Variants in MEGF8 observed in about 807,000 individuals in gnomAD.
MEGF8 encodes the protein multiple EGF like domains 8, also known as multiple epidermal growth factor-like domains protein 8.
Under a neutral mutation model 302.9 loss-of-function variants are expected in MEGF8, and 156 were observed. That is an observed-to-expected ratio of 0.52 (90% CI 0.45 to 0.59). The LOEUF (loss-of-function observed/expected upper bound fraction) is 0.59. MEGF8 is among the 20% of genes least tolerant of loss of function. MEGF8 has a pLI of 0.00. For synonymous variants in MEGF8, 1,621 were observed against 1,660.5 expected (o/e 0.98, Z 0.58); for missense variants, 3,345 against 3,964.5 (o/e 0.84, Z 4.20).
Position 42,335,073 on chromosome 19 carries a change from A to G in MEGF8, c.597A>G (p.Gly199=), listed in dbSNP as rs1201185699. The G allele has an allele frequency of 6.2e-7, 1 of 1,613,542 alleles. No individual in the cohort carries two copies. Among genetic ancestry groups the G allele is most frequent in the South Asian group, 1.1e-5 (1 of 91,052 alleles). Residue 199 remains glycine, a synonymous_variant, in exon 4 of 42, where the codon GGA becomes GGG. Coordinates refer to ENST00000251268, the MANE Select transcript of MEGF8 (RefSeq NM_001271938.2). The stretch of plus-strand genomic sequence containing the variant: ...GCCGCTGTGAGCCTGGCTTCTTGGG[A>G]CGTGCCTGTGACCTGCACCTGTGGG... ...GPCRCEPGFL[G]RACDLHLWEN...
At position 42,357,415 on chromosome 19, in the gene MEGF8, C is replaced by T. The variant is rs35468447; in HGVS notation, c.4842C>T (p.Thr1614=). The change falls in exon 28 of 42, where the codon ACC becomes ACT. Residue 1614 remains threonine, a synonymous_variant. Coordinates refer to ENST00000251268, the MANE Select transcript of MEGF8 (RefSeq NM_001271938.2). The surrounding 1 kb of genome is among the most constrained non-coding windows in gnomAD (Gnocchi z 5.2). ...LQWRQEKAPQ[T]VELPAVAGHT... The stretch of plus-strand genomic sequence containing the variant: ...CCTCCATCCCTCAGGCCCCCCAGAC[C>T]GTGGAGCTGCCAGCCGTTGCTGGTC... The T allele has an allele frequency of 3.1e-3, 5,057 of 1,613,256 alleles. 61 individuals are homozygous for T. The African/African-American group carries it at 0.035, about 11-fold the overall frequency.
chr19:42,359,147 T>A lies in MEGF8; in HGVS notation c.5393T>A (p.Val1798Glu). 6.4e-7 allele frequency: 1 copy of A among 1,563,694 alleles called. No individual in the cohort carries two copies. The highest frequency in any genetic ancestry group is 8.7e-7 in the Non-Finnish European group (1 of 1,154,416). ...TCAGCCCTGTTAGGGGACACCATGG[T>A]GGTTCTTGGGGGGCGCTCGGACCCT... The part of the protein sequence containing the change: ...HASALLGDTM[V>E]VLGGRSDPDE... Residue 1798 changes from valine (V) to glutamate (E), a missense_variant, in exon 31 of 42, where the codon GTG becomes GAG. Transcript: ENST00000251268.
chr19:42,330,856 A>G (rs1472235278), intron 1 of MEGF8, among the ~76,000 whole-genome samples: 1 of 152,204 alleles, frequency 6.6e-6, no homozygotes, highest in Non-Finnish European at 1.5e-5. Context: ...AAGGGATAAT[A>G]TGTTGCAGAC....
chr19:42,348,482 C>T lies in MEGF8; in HGVS notation c.2298+10C>T. On this transcript the variant is annotated intron_variant, in intron 13 of 41. Coordinates refer to ENST00000251268, the MANE Select transcript of MEGF8 (RefSeq NM_001271938.2). ...TGACACGGAGAACATGGTGAGGCCG[C>T]CTGGGACATTCAGGGGGTTGTTTAT... 1 of 1,507,986 alleles carries T rather than the reference C, an allele frequency of 6.6e-7. No individual in the cohort carries two copies. The highest frequency in any genetic ancestry group is 8.9e-7 in the Non-Finnish European group (1 of 1,127,372). The allele number at this position is 1,507,986 out of a possible 1,614,324, so 93.4% of individuals were successfully genotyped here. A position where few individuals can be genotyped will look rare whatever the true frequency, so the allele number is the denominator to read the frequency against.
chr19:42,376,477 T>A lies in MEGF8; in HGVS notation c.8240T>A (p.Met2747Lys), dbSNP rs1405301829. ...GGGGCCGGTGGGCCCTGGGGACCCA[T>A]GGGAGGGGGCTGCTGCCCACCAGCC... ...LTGAGGPWGP[M>K]GGGCCPPAIP... Residue 2747 changes from methionine (M) to lysine (K), a missense_variant, in exon 42 of 42, where the codon ATG becomes AAG. Coordinates refer to ENST00000251268, the MANE Select transcript of MEGF8 (RefSeq NM_001271938.2). This position sits in a 1 kb window ranked among gnomAD's most constrained non-coding sequence, Gnocchi z 8.2. The A allele has an allele frequency of 1.9e-6, 3 of 1,600,226 alleles. No homozygotes were observed. The highest frequency in any genetic ancestry group is 2.6e-6 in the Non-Finnish European group (3 of 1,175,410).
At position 42,371,488 on chromosome 19, in the gene MEGF8, G is replaced by A. The variant is rs1394562771; in HGVS notation, c.7269+6G>A. The A allele has an allele frequency of 1.9e-6, 3 of 1,613,598 alleles. No individual in the cohort carries two copies. Among genetic ancestry groups the A allele is most frequent in the Non-Finnish European group, 2.5e-6 (3 of 1,179,878 alleles). ...GAGACTGCTACAAGTACCAGGTGCG[G>A]CTGCAGAAGCTAGTGGTGGGCCGAG... On this transcript the variant is annotated splice_donor_region_variant and intron_variant, in intron 41 of 41. Transcript: ENST00000251268.
chr19:42,367,095 GC>G (rs1319070256), intron 35 of MEGF8, among the ~76,000 whole-genome samples: 1 of 152,102 alleles, frequency 6.6e-6, no homozygotes, highest in Non-Finnish European at 1.5e-5. Flanking sequence ...TAAATAAAGT[GC>G]CTTATACACT....
Position 42,354,374 on chromosome 19 carries a change from T to C in MEGF8, c.4012-214T>C, listed in dbSNP as rs1181849235. 6.6e-6 allele frequency among the ~76,000 whole-genome samples: 1 copy of C among 152,094 alleles called. No individual in the cohort carries two copies. Among genetic ancestry groups the C allele is most frequent in the Non-Finnish European group, 1.5e-5 (1 of 68,024 alleles). ...GCTGCATGTTGAGAAAGGGGCTCAA[T>C]GCAAGAGTGCCTGATAGATGAGCCG... On this transcript the variant is annotated intron_variant, in intron 22 of 41. Coordinates refer to ENST00000251268, the MANE Select transcript of MEGF8 (RefSeq NM_001271938.2). This position sits in a 1 kb window ranked among gnomAD's most constrained non-coding sequence, Gnocchi z 4.3.
In MEGF8 at chr19:42,358,607, C is replaced by CCG; in HGVS notation, c.5176-178_5176-177dup. On this transcript the variant is annotated intron_variant, in intron 29 of 41. Coordinates refer to ENST00000251268, the MANE Select transcript of MEGF8 (RefSeq NM_001271938.2). This position sits in a 1 kb window ranked among gnomAD's most constrained non-coding sequence, Gnocchi z 4.4. Reference sequence around the variant, plus strand: ...TCGTATAAACCAGGACTGAGGCTCCCCGCTCTTTCTGCCTTCAAGGCCAAG... The same window carrying CCG: ...TCGTATAAACCAGGACTGAGGCTCCCCGCGCTCTTTCTGCCTTCAAGGCCAAG... Among the ~76,000 whole-genome samples the CCG allele has an allele frequency of 6.6e-6, 1 of 152,294 alleles. No homozygotes were observed. Among genetic ancestry groups the CCG allele is most frequent in the South Asian group, 2.1e-4 (1 of 4,826 alleles).
intron 41 of MEGF8, among the ~76,000 whole-genome samples, chr19:42,373,533 T>TGA (rs2039721857): frequency 2.0e-5 from 3 of 152,018 alleles, no homozygotes; most frequent in Admixed American, 2.0e-4. Flanking sequence ...CCTGAGTAGC[T>TGA]GAGACTACAA....
rs369696855 is a variant in MEGF8 at position 42,344,002 on chromosome 19, C to T, written c.1717C>T (p.Arg573Trp). 5.2e-5 allele frequency: 84 copies of T among 1,613,660 alleles called. No individual in the cohort carries two copies. The highest frequency in any genetic ancestry group is 8.9e-5 in the East Asian group (4 of 44,886). ...GTACACAGACCACAGCGTCTGCTCCCGGGACCCGGAATGCAGTTGGTGCCA... is the reference window on the plus strand; with the variant it reads ...GTACACAGACCACAGCGTCTGCTCCTGGGACCCGGAATGCAGTTGGTGCCA... ...SMYTDHSVCS[R>W]DPECSWCQGA... Residue 573 changes from arginine (R) to tryptophan (W), a missense_variant, in exon 10 of 42, where the codon CGG (arginine) becomes TGG (tryptophan). Physicochemically the swap from Arg to Trp is moderately radical, Grantham distance 101 (BLOSUM62 -3). Coordinates refer to ENST00000251268, the MANE Select transcript of MEGF8 (RefSeq NM_001271938.2). This position sits in a 1 kb window ranked among gnomAD's most constrained non-coding sequence, Gnocchi z 4.5.
rs2147477579 is a variant in MEGF8, at chr19:42,352,187, C to T, written c.3102-21C>T. 6.7e-7 allele frequency: 1 copy of T among 1,493,552 alleles called. No individual in the cohort carries two copies. The highest frequency in any genetic ancestry group is 1.4e-5 in the African/African-American group (1 of 71,556). The allele number at this position is 1,493,552 out of a possible 1,614,324, so 92.5% of individuals were successfully genotyped here. A position where few individuals can be genotyped will look rare whatever the true frequency, so the allele number is the denominator to read the frequency against. ...CCTGTTTCTATGTTGTCCCCCGCTT[C>T]TTCACTCTCCCACCCTGCAGGTGCC... On this transcript the variant is annotated intron_variant, in intron 18 of 41. Coordinates refer to ENST00000251268, the MANE Select transcript of MEGF8 (RefSeq NM_001271938.2). This position sits in a 1 kb window ranked among gnomAD's most constrained non-coding sequence, Gnocchi z 4.4.
In MEGF8 at chr19:42,375,170, AC is replaced by A. The variant is rs1236711719; in HGVS notation, c.7270-336del. ...TGCTCAGGCTCAGTGAGGTTAAGTC[AC>A]TAGTCCAAGGCCACACAGCTAACAA... On this transcript the variant is annotated intron_variant, in intron 41 of 41. Coordinates refer to ENST00000251268, the MANE Select transcript of MEGF8 (RefSeq NM_001271938.2). The surrounding 1 kb of genome is among the most constrained non-coding windows in gnomAD (Gnocchi z 7.1). Among the ~76,000 whole-genome samples the A allele has an allele frequency of 6.6e-6, 1 of 152,152 alleles. No homozygotes were observed. Among genetic ancestry groups the A allele is most frequent in the East Asian group, 1.9e-4 (1 of 5,192 alleles).
chr19:42,341,766 A>G (rs1029025793), intron 8 of MEGF8, among the ~76,000 whole-genome samples: 3 of 152,130 alleles, frequency 2.0e-5, no homozygotes, highest in Admixed American at 6.6e-5. Context: ...TTCTTATAGC[A>G]GTTAGGGTCC....
chr19:42,338,801 C>CTTTT (rs113443328), intron 8 of MEGF8, among the ~76,000 whole-genome samples: 1 of 54,354 alleles, frequency 1.8e-5, no homozygotes, highest in Non-Finnish European at 4.2e-5. Flanking sequence ...ACCACATTTT[C>CTTTT]TTTTTTTTTT....
chr19:42,340,178 T>G (rs1188255286), intron 8 of MEGF8, among the ~76,000 whole-genome samples: 1 of 152,254 alleles, frequency 6.6e-6, no homozygotes, highest in Non-Finnish European at 1.5e-5. Context: ...AGATGATCCT[T>G]CAAGAATGAT....
rs1467075082 is a variant in MEGF8, at chr19:42,353,518, G to A, written c.3604G>A (p.Ala1202Thr). The change falls in exon 21 of 42, where the codon GCC becomes ACC. Residue 1202 changes from alanine to threonine, a missense_variant. Coordinates refer to ENST00000251268, the MANE Select transcript of MEGF8 (RefSeq NM_001271938.2). The surrounding 1 kb of genome is among the most constrained non-coding windows in gnomAD (Gnocchi z 6.1). ...ERCRPGSFGN[A>T]TGSRGCRPCQ... Reference sequence around the variant, plus strand: ...ATGCCGGCCCGGCAGCTTCGGCAACGCCACAGGCTCTAGGGGCTGCCGGCC... The same window carrying A: ...ATGCCGGCCCGGCAGCTTCGGCAACACCACAGGCTCTAGGGGCTGCCGGCC... 6 of 1,609,676 alleles carry A rather than the reference G, an allele frequency of 3.7e-6. No individual in the cohort carries two copies. The highest frequency in any genetic ancestry group is 3.4e-6 in the Non-Finnish European group (4 of 1,178,710).
rs752106496 is a variant in MEGF8, at chr19:42,343,569, C to A, written c.1606C>A (p.Pro536Thr). 6 of 1,613,208 alleles carry A rather than the reference C, an allele frequency of 3.7e-6. No individual in the cohort carries two copies. In the South Asian group the frequency reaches 5.5e-5, roughly 15 times the overall value. ...GGTGGCTGGGGGGTACAGCGGCCGG[C>A]CCCGTGGGGACTTGATGGCGTACAA... Reference protein sequence around the residue: ...LLVAGGYSGRPRGDLMAYKVP... With the variant: ...LLVAGGYSGRTRGDLMAYKVP... The change falls in exon 9 of 42, where the codon CCC becomes ACC. Residue 536 changes from proline (P) to threonine (T), a missense_variant. By Grantham distance (38) the Pro-to-Thr change is conservative. Coordinates refer to ENST00000251268, the MANE Select transcript of MEGF8 (RefSeq NM_001271938.2).
Position 42,326,832 on chromosome 19 carries a change from G to A in MEGF8, c.187+402G>A, listed in dbSNP as rs2038990968. 2.0e-5 allele frequency among the ~76,000 whole-genome samples: 3 copies of A among 148,030 alleles called. No homozygotes were observed. The Admixed American group carries it at 2.1e-4, about 10-fold the overall frequency. ...AACACAATTTACTTACTGCAGCCTCGACCTCCTGGGCTCAAGTGATCCTCC... is the reference window on the plus strand; with the variant it reads ...AACACAATTTACTTACTGCAGCCTCAACCTCCTGGGCTCAAGTGATCCTCC... On this transcript the variant is annotated intron_variant, in intron 1 of 41. Coordinates refer to ENST00000251268, the MANE Select transcript of MEGF8 (RefSeq NM_001271938.2).
Sources: allele counts gnomAD v4.1 joint callset (sites outside exome capture counted in the v4.1 genomes callset), GRCh38; gene constraint gnomAD v4.1.1; non-coding constraint Gnocchi (gnomAD v3.1); transcripts MANE v1.5; gene names NCBI Gene and HGNC (gene_info 2026-07-23, HGNC 2026-07-21).